Variants in PNPLA1 observed in about 807,000 individuals in gnomAD.
PNPLA1 encodes patatin like domain 1, omega-hydroxyceramide transacylase, also known as omega-hydroxyceramide transacylase.
In PNPLA1, 36 loss-of-function variants were observed where a neutral mutation model predicts 51.7. The ratio of observed to expected loss-of-function variants is 0.70; its 90% CI spans 0.53 to 0.92. PNPLA1 has a LOEUF of 0.92. Among genes scored for constraint, PNPLA1 ranks in the 40% least tolerant of loss-of-function variants. The probability of loss-of-function intolerance (pLI) is 0.00; values close to 1 mark genes in which losing one functional copy is unlikely to be tolerated. For missense variants in PNPLA1, 658 were observed against 682.5 expected, an observed-to-expected ratio of 0.96 and a Z score of 0.40; for synonymous variants, 293 against 280.1, an observed-to-expected ratio of 1.05 and a Z score of -0.46.
intron 1 of PNPLA1, among the ~76,000 whole-genome samples, chr6:36,256,786 TAAAC>T (rs1246851686): frequency 2.6e-5 from 4 of 152,106 alleles, no homozygotes; most frequent in Non-Finnish European, 4.4e-5. Flanking sequence ...TTGTCTGAAA[TAAAC>T]AGACAGTAGA....
rs377242239 is a variant in PNPLA1 at position 36,303,776 on chromosome 6, G to A, written c.1384+1307G>A. On this transcript the variant is annotated intron_variant, in intron 6 of 8. Coordinates refer to ENST00000636260, the MANE Select transcript of PNPLA1 (RefSeq NM_001374623.1). ...GAACCCAGGAGGTGGAGGTTGCAGGGAGCCAAGATTGTGCCATTGCACTCC... is the reference window on the plus strand; with the variant it reads ...GAACCCAGGAGGTGGAGGTTGCAGGAAGCCAAGATTGTGCCATTGCACTCC... 6.6e-5 allele frequency among the ~76,000 whole-genome samples: 10 copies of A among 152,362 alleles called. No homozygotes were observed. The East Asian group carries it at 1.9e-3, about 29-fold the overall frequency.
intron 1 of PNPLA1, among the ~76,000 whole-genome samples, chr6:36,246,124 G>C (rs1362594109): frequency 6.6e-6 from 1 of 152,192 alleles, no homozygotes; most frequent in Non-Finnish European, 1.5e-5. Context: ...AAACAGAGGG[G>C]TGAGGGCTGG....
chr6:36,245,521 G>A (rs533484451), intron 1 of PNPLA1, among the ~76,000 whole-genome samples: 12 of 152,314 alleles, frequency 7.9e-5, no homozygotes, highest in African/African-American at 2.4e-4. Context: ...AGGGAGTTAT[G>A]CCTGGCAGGC....
intron 1 of PNPLA1, among the ~76,000 whole-genome samples, chr6:36,280,755 G>C (rs1770254366): frequency 6.6e-6 from 1 of 152,098 alleles, no homozygotes; most frequent in Admixed American, 6.5e-5. Flanking sequence ...TCTTGTAACT[G>C]TTTTATATTG....
At chr6:36,307,810 T>C in intron 8 of PNPLA1, 98 bp downstream of exon 8, 5 of 1,443,818 alleles carry the variant, frequency 3.5e-6, no homozygotes, top group Non-Finnish European at 4.6e-6. Flanking sequence ...TGTAAGGGAG[T>C]AGGGGGTGCA....
At chr6:36,291,694 C>T (rs149341133) in intron 2 of PNPLA1, 142 bp downstream of exon 2, 58 of 742,078 alleles carry the variant, frequency 7.8e-5, no homozygotes, top group African/African-American at 4.2e-4. Flanking sequence ...CCCAGAGTCT[C>T]GCTGTGCAAG....
intron 1 of PNPLA1, among the ~76,000 whole-genome samples, chr6:36,253,521 G>A (rs766223897): frequency 8.5e-5 from 13 of 152,126 alleles, no homozygotes; most frequent in African/African-American, 2.9e-4. Context: ...CTCTGTCACA[G>A]ACTAGATGCA....
intron 1 of PNPLA1, among the ~76,000 whole-genome samples, chr6:36,252,041 A>G (rs1300653206): frequency 6.6e-6 from 1 of 152,240 alleles, no homozygotes; most frequent in Non-Finnish European, 1.5e-5. Flanking sequence ...GGAATGAAGC[A>G]AAGGGGTGGG....
At position 36,274,064 on chromosome 6, in the gene PNPLA1, C is replaced by A. The variant is rs114590918; in HGVS notation, c.205+3400C>A. 5.3e-3 allele frequency among the ~76,000 whole-genome samples: 812 copies of A among 152,330 alleles called. 4 individuals carry two copies. The highest frequency in any genetic ancestry group is 0.014 in the African/African-American group (588 of 41,578). ...TCATTCACTCATTTTAACTGCCATA[C>A]AATTTACTCTTAACTAGCACTTCCT... On this transcript the variant is annotated intron_variant, in intron 1 of 8. Coordinates refer to ENST00000636260, the MANE Select transcript of PNPLA1 (RefSeq NM_001374623.1).
At chr6:36,301,499 C>T (rs1037579820) in intron 5 of PNPLA1, among the ~76,000 whole-genome samples, 3 of 152,034 alleles carry the variant, frequency 2.0e-5, no homozygotes, top group Admixed American at 6.6e-5. Flanking sequence ...GTGCTGTTCC[C>T]TCTGCTGAAA....
intron 6 of PNPLA1, among the ~76,000 whole-genome samples, chr6:36,303,693 T>G (rs777695009): frequency 1.3e-5 from 2 of 152,000 alleles, no homozygotes; most frequent in African/African-American, 2.4e-5. Context: ...TCAGCCAAAC[T>G]TGGTGGTGCA....
rs145988979 is a variant in PNPLA1, at chr6:36,306,326, C to T, written c.1419C>T (p.Ser473=). The change falls in exon 7 of 9, where the codon AGC becomes AGT. Residue 473 remains serine, a synonymous_variant. Transcript: ENST00000636260. ...VALLVSSKPK[S]AVPLVHVKET... is the part of the protein sequence containing the mutation. ...TTCTTGTCTCTTCAAAACCAAAAAG[C>T]GCCGTGCCTCTGGTTCATGTGAAGG... is the stretch of plus-strand genomic sequence containing the variant. 9.3e-6 allele frequency: 15 copies of T among 1,612,960 alleles called. No individual in the cohort carries two copies. The highest frequency in any genetic ancestry group is 1.6e-4 in the Middle Eastern group (1 of 6,068).
intron 1 of PNPLA1, among the ~76,000 whole-genome samples, chr6:36,259,689 T>G (rs1319307532): frequency 6.6e-6 from 1 of 151,964 alleles, no homozygotes; most frequent in Non-Finnish European, 1.5e-5. Flanking sequence ...TGCAGCAACA[T>G]GGATGTTGCC....
At chr6:36,282,051 A>G (rs182939063) in intron 1 of PNPLA1, among the ~76,000 whole-genome samples, 310 of 83,382 alleles carry the variant, frequency 3.7e-3, no homozygotes, top group Middle Eastern at 5.7e-3. Context: ...GAAGGAAAGA[A>G]AGAAAGAAAG....
At chr6:36,300,135 AAC>A (rs1353031788) in intron 5 of PNPLA1, among the ~76,000 whole-genome samples, 1 of 144,274 alleles carries the variant, frequency 6.9e-6, no homozygotes, top group Non-Finnish European at 1.5e-5. Context: ...TCTTGCCTAT[AAC>A]AGTTTCTCAG....
intron 1 of PNPLA1, among the ~76,000 whole-genome samples, chr6:36,277,898 GTT>G (rs1213500262): frequency 6.6e-6 from 1 of 152,166 alleles, no homozygotes; most frequent in Non-Finnish European, 1.5e-5. Context: ...GCCAAGTCCA[GTT>G]TGTTGTCTGG....
intron 1 of PNPLA1, among the ~76,000 whole-genome samples, chr6:36,247,243 G>A (rs536356618): frequency 4.6e-5 from 7 of 152,198 alleles, no homozygotes; most frequent in Non-Finnish European, 8.8e-5. Flanking sequence ...GACCTCACCC[G>A]CTTTCAAATC....
At chr6:36,251,000 C>T (rs1359831767) in intron 1 of PNPLA1, among the ~76,000 whole-genome samples, 1 of 152,168 alleles carries the variant, frequency 6.6e-6, no homozygotes. Flanking sequence ...CAGCGCCCGG[C>T]CTGTAAAGGC....
intron 5 of PNPLA1, 68 bp downstream of exon 5, chr6:36,295,492 G>C (rs1433542716): frequency 1.4e-5 from 21 of 1,495,634 alleles, no homozygotes; most frequent in African/African-American, 1.4e-5. Flanking sequence ...CAGTAGAAGG[G>C]CTGAATGGAG....
Sources: allele counts gnomAD v4.1 joint callset (sites outside exome capture counted in the v4.1 genomes callset), GRCh38; gene constraint gnomAD v4.1.1; transcripts MANE v1.5; gene names NCBI Gene and HGNC (gene_info 2026-07-23, HGNC 2026-07-21).